TPR: variants seen among roughly 807,000 people sequenced by gnomAD.
The protein encoded by TPR is nucleoprotein TPR.
TPR carries 51 observed loss-of-function variants against 316.1 expected under a neutral mutation model. The observed-to-expected ratio is 0.16, with a 90% CI of 0.13 to 0.20. TPR has a LOEUF of 0.20. TPR is among the 10% of genes least tolerant of loss of function. TPR has a pLI of 1.00. For missense variants in TPR, 2,272 were observed against 2,754.8 expected (o/e 0.82, Z 3.92); for synonymous variants, 981 against 914.7 (o/e 1.07, Z -1.31).
At chr1:186,327,272 ATT>A (rs1491296813) in intron 40 of TPR, among the ~76,000 whole-genome samples, 186 bp downstream of exon 40, 5 of 1,714 alleles carry the variant, frequency 2.9e-3, no homozygotes, top group Middle Eastern at 0.17. Flanking sequence ...TAATATATAT[ATT>A]TATATATAAT....
At chr1:186,314,442 T>C in intron 50 of TPR, 187 bp downstream of exon 50, 1 of 432,704 alleles carries the variant, frequency 2.3e-6, no homozygotes, top group Non-Finnish European at 4.1e-6. Flanking sequence ...TTATTATATA[T>C]CTAAGGTATA....
At position 186,325,796 on chromosome 1, in the gene TPR, C is replaced by T. The variant is rs1269369255; in HGVS notation, c.6080G>A (p.Gly2027Asp). 8 of 1,613,504 alleles carry T rather than the reference C, an allele frequency of 5.0e-6. No homozygotes were observed. In the South Asian group the frequency reaches 6.6e-5, roughly 13 times the overall value. The change falls in exon 42 of 51, where the codon GGT becomes GAT. Residue 2027 changes from glycine (G) to aspartate (D), a missense_variant. Gly to Asp is a moderately conservative substitution (Grantham distance 94). Coordinates refer to ENST00000367478, the MANE Select transcript of TPR (RefSeq NM_003292.3). ...ETEESMGGGEGNHRAADSQNS... is the reference protein window; with the variant it reads ...ETEESMGGGEDNHRAADSQNS... ...TTGAGAATCAGCAGCTCTGTGATTA[C>T]CTTCACCTCCACCCATACTTTCTTC...
intron 27 of TPR, chr1:186,343,108 T>C (rs1204644304): frequency 2.3e-6 from 1 of 431,632 alleles, no homozygotes; most frequent in Non-Finnish European, 4.0e-6. Context: ...CCACAGCTAA[T>C]GGTATGAAGC....
intron 26 of TPR, 133 bp from the exon 27 acceptor site, chr1:186,343,606 T>A (rs960726256): frequency 1.2e-6 from 1 of 828,608 alleles, no homozygotes. Flanking sequence ...TAATAAATAA[T>A]AATGGGAGAT....
At chr1:186,327,163 A>ATATATATAAATATATATAAATATATAAT (rs1443385559) in intron 40 of TPR, among the ~76,000 whole-genome samples, 3 of 508 alleles carry the variant, frequency 5.9e-3, no homozygotes, top group Non-Finnish European at 0.01. Context: ...ATAAATATAT[A>ATATATATAAATATATATAAATATATAAT]ACATATATAT....
At position 186,312,391 on chromosome 1, in the gene TPR, T is replaced by C. The variant is rs1557971241; in HGVS notation, c.*1580A>G. ...GACAAAGGTAACATTTTTATTGTGT[T>C]AAAAAAATCCTTAAACATAAGTAGA... is the stretch of plus-strand genomic sequence containing the variant. On this transcript the variant is annotated 3_prime_UTR_variant, in exon 51 of 51. Coordinates refer to ENST00000367478, the MANE Select transcript of TPR (RefSeq NM_003292.3). 1 of 1,591,552 alleles carries C rather than the reference T, an allele frequency of 6.3e-7. No homozygotes were observed. The highest frequency in any genetic ancestry group is 8.6e-7 in the Non-Finnish European group (1 of 1,168,386).
intron 4 of TPR, among the ~76,000 whole-genome samples, chr1:186,365,102 C>CTTTTTTTTTT (rs61369492): frequency 5.1e-5 from 7 of 137,190 alleles, no homozygotes; most frequent in East Asian, 2.2e-4. Flanking sequence ...AGGGGCTGCC[C>CTTTTTTTTTT]TTTTTTTTTT....
Position 186,362,393 on chromosome 1 carries a change from A to G in TPR, c.697-13T>C, listed in dbSNP as rs1659222365. 1 of 1,593,252 alleles carries G rather than the reference A, an allele frequency of 6.3e-7. No homozygotes were observed. Among genetic ancestry groups the G allele is most frequent in the South Asian group, 1.1e-5 (1 of 90,560 alleles). On this transcript the variant is annotated splice_polypyrimidine_tract_variant and intron_variant, in intron 6 of 50. Coordinates refer to ENST00000367478, the MANE Select transcript of TPR (RefSeq NM_003292.3). ...CCAGTCTAGAAACCTAAAAACAAAA[A>G]ATAGAGCAGGGGGAAAGGATGTCAT...
At chr1:186,354,966 C>T (rs1456666744) in intron 17 of TPR, among the ~76,000 whole-genome samples, 2 of 152,098 alleles carry the variant, frequency 1.3e-5, no homozygotes, top group Admixed American at 6.5e-5. Flanking sequence ...GCAGTGGCCC[C>T]AATCTTGGCT....
rs766392867 is a variant in TPR, at chr1:186,350,683, AAC to A, written c.2611-297_2611-296del. Among the ~76,000 whole-genome samples, 119 of 152,218 alleles carry A rather than the reference AAC, an allele frequency of 7.8e-4. 1 individual carries two copies. Among genetic ancestry groups the A allele is most frequent in the Non-Finnish European group, 2.4e-4 (16 of 68,042 alleles). On this transcript the variant is annotated intron_variant, in intron 20 of 50. Coordinates refer to ENST00000367478, the MANE Select transcript of TPR (RefSeq NM_003292.3). ...AGCCCAGGAGACTCTCTGAATTGAG[AAC>A]ACAGATCTGAGAGTCCAGGGAGACC...
chr1:186,347,485 A>G lies in TPR; in HGVS notation c.2777-27T>C, dbSNP rs755482746. ...TAAAAGACATAACAGCTCTGTTAAA[A>G]TTAACATTTTCAATAGTATTAGAGA... On this transcript the variant is annotated intron_variant, in intron 21 of 50. Transcript: ENST00000367478. 2.5e-6 allele frequency: 4 copies of G among 1,607,186 alleles called. No homozygotes were observed. In the Admixed American group the frequency reaches 6.8e-5, roughly 27 times the overall value.
chr1:186,364,329 C>T (rs748914592), intron 4 of TPR, among the ~76,000 whole-genome samples: 5 of 151,326 alleles, frequency 3.3e-5, no homozygotes, highest in East Asian at 1.9e-4. Flanking sequence ...AGGACTGCAG[C>T]GATGGTTACC....
intron 25 of TPR, 122 bp downstream of exon 25, chr1:186,344,253 A>T (rs754251148): frequency 6.6e-6 from 9 of 1,361,298 alleles, no homozygotes; most frequent in Non-Finnish European, 9.0e-6. Flanking sequence ...TGACCCCAAT[A>T]TCACGCCATT....
chr1:186,315,009 T>G (rs1005745505), intron 49 of TPR, among the ~76,000 whole-genome samples: 1 of 151,596 alleles, frequency 6.6e-6, no homozygotes, highest in African/African-American at 2.4e-5. Context: ...TCTACAAAAT[T>G]ATAAAACAAT....
intron 18 of TPR, among the ~76,000 whole-genome samples, chr1:186,353,154 C>T (rs1396243241): frequency 3.3e-5 from 5 of 152,224 alleles, no homozygotes; most frequent in African/African-American, 4.8e-5. Flanking sequence ...GGGCAAATCA[C>T]GAGGTCAGTA....
In TPR at chr1:186,367,516, T is replaced by C. The variant is rs138732803; in HGVS notation, c.427+370A>G. 1.5e-4 allele frequency among the ~76,000 whole-genome samples: 23 copies of C among 152,342 alleles called. No individual in the cohort carries two copies. In the East Asian group the frequency reaches 4.0e-3, roughly 27 times the overall value. On this transcript the variant is annotated intron_variant, in intron 4 of 50. Coordinates refer to ENST00000367478, the MANE Select transcript of TPR (RefSeq NM_003292.3). ...TATAGGCTGAGTATATGTTCTTATATTGAATGCTTATTATATAGCAAGGAT... is the reference window on the plus strand; with the variant it reads ...TATAGGCTGAGTATATGTTCTTATACTGAATGCTTATTATATAGCAAGGAT...
At chr1:186,323,329 C>T (rs2273776) in intron 43 of TPR, among the ~76,000 whole-genome samples, 1 of 151,994 alleles carries the variant, frequency 6.6e-6, no homozygotes, top group South Asian at 2.1e-4. Context: ...TTTATAAATA[C>T]GTGCACTGTA....
intron 19 of TPR, 93 bp downstream of exon 19, chr1:186,351,883 G>T: frequency 7.1e-7 from 1 of 1,405,992 alleles, no homozygotes; most frequent in Non-Finnish European, 9.6e-7. Flanking sequence ...AAAAGTGATG[G>T]ATAAATTTTC....
chr1:186,312,406 A>G lies in TPR; in HGVS notation c.*1565T>C. 1.3e-6 allele frequency: 2 copies of G among 1,557,242 alleles called. No individual in the cohort carries two copies. Among genetic ancestry groups the G allele is most frequent in the Non-Finnish European group, 1.8e-6 (2 of 1,139,474 alleles). On this transcript the variant is annotated 3_prime_UTR_variant, in exon 51 of 51. Transcript: ENST00000367478. The stretch of plus-strand genomic sequence containing the variant: ...TTTATTGTGTTAAAAAAATCCTTAA[A>G]CATAAGTAGATGTAATACAGTTTCT...
Sources: allele counts gnomAD v4.1 joint callset (sites outside exome capture counted in the v4.1 genomes callset), GRCh38; gene constraint gnomAD v4.1.1; transcripts MANE v1.5; gene names NCBI Gene and HGNC (gene_info 2026-07-23, HGNC 2026-07-21).